ALG10B: variants seen among roughly 807,000 people sequenced by gnomAD.
ALG10B encodes dol-P-Glc:Glc(2)Man(9)GlcNAc(2)-PP-Dol alpha-1,2-glucosyltransferase B.
A neutral mutation model predicts 38.7 loss-of-function variants in ALG10B; 27 were observed. The observed-to-expected ratio is 0.70, with a 90% CI of 0.51 to 0.96. The LOEUF (loss-of-function observed/expected upper bound fraction) is 0.96. ALG10B is among the 40% of genes least tolerant of loss of function. The pLI, the probability that ALG10B is intolerant of heterozygous loss-of-function variation, is 0.00. For synonymous variants in ALG10B, 177 were observed against 193.3 expected, an observed-to-expected ratio of 0.92 and a Z score of 0.70; for missense variants, 522 against 542.7, an observed-to-expected ratio of 0.96 and a Z score of 0.38.
intron 1 of ALG10B, chr12:38,317,982 A>C (rs1471676597): frequency 4.5e-6 from 2 of 443,796 alleles, no homozygotes; most frequent in African/African-American, 3.9e-5. Flanking sequence ...CAGTTTATTT[A>C]TCAAAATAAA....
In ALG10B at chr12:38,318,215, G is replaced by A. The variant is rs756658403; in HGVS notation, c.172-46G>A. 6.8e-6 allele frequency: 11 copies of A among 1,608,838 alleles called. No homozygotes were observed. In the South Asian group the frequency reaches 1.1e-4, roughly 16 times the overall value. On this transcript the variant is annotated intron_variant, in intron 1 of 2. Coordinates refer to ENST00000308742, the MANE Select transcript of ALG10B (RefSeq NM_001013620.4). ...GGCTTGACATATTTGTGTCTGTCTT[G>A]TTCGTATTACCTCTTGCTTTTACTT... is the stretch of plus-strand genomic sequence containing the variant.
Position 38,326,417 on chromosome 12 carries a change from AAAAC to A in ALG10B, c.*5208_*5211del, listed in dbSNP as rs1289129401. On this transcript the variant is annotated 3_prime_UTR_variant, in exon 3 of 3. Coordinates refer to ENST00000308742, the MANE Select transcript of ALG10B (RefSeq NM_001013620.4). ...TAATTACTGTTTATTTAAAATAAGA[AAAAC>A]AAATAACTTTCAACCATTAAAAGGT... is the stretch of plus-strand genomic sequence containing the variant. 1.3e-4 allele frequency: 19 copies of A among 151,532 alleles called. No homozygotes were observed. Among genetic ancestry groups the A allele is most frequent in the Non-Finnish European group, 2.1e-4 (14 of 67,900 alleles). The allele number at this position is 151,532 out of a possible 1,614,324, so 9.4% of individuals were successfully genotyped here.
chr12:38,321,461 C>A lies in ALG10B; in HGVS notation c.*248C>A. ...AAAATTGTTTTCAGATATCTCATAT[C>A]GCTCTCGTAATGTTGGCCCCTCACA... On this transcript the variant is annotated 3_prime_UTR_variant, in exon 3 of 3. Coordinates refer to ENST00000308742, the MANE Select transcript of ALG10B (RefSeq NM_001013620.4). 2 of 322,362 alleles carry A rather than the reference C, an allele frequency of 6.2e-6. No homozygotes were observed. The highest frequency in any genetic ancestry group is 4.5e-5 in the Admixed American group (1 of 22,094). The allele number at this position is 322,362 out of a possible 1,614,324, so 20.0% of individuals were successfully genotyped here.
At chr12:38,319,778 A>G (rs1396206751) in intron 2 of ALG10B, among the ~76,000 whole-genome samples, 2 of 152,180 alleles carry the variant, frequency 1.3e-5, no homozygotes, top group Non-Finnish European at 2.9e-5. Flanking sequence ...GTGAATCCTT[A>G]TTGAAGGCAC....
At chr12:38,319,207 G>T (rs1370160011) in intron 2 of ALG10B, among the ~76,000 whole-genome samples, 2 of 152,140 alleles carry the variant, frequency 1.3e-5, no homozygotes, top group African/African-American at 4.8e-5. Flanking sequence ...GGAGTATGTG[G>T]CATTCAGTAA....
chr12:38,318,754 T>G (rs1565603691), intron 2 of ALG10B, among the ~76,000 whole-genome samples: 1 of 152,178 alleles, frequency 6.6e-6, no homozygotes, highest in Non-Finnish European at 1.5e-5. Flanking sequence ...ACTACAGAGA[T>G]AAATGAGGCA....
At position 38,325,551 on chromosome 12, in the gene ALG10B, T is replaced by C. The variant is rs562198464; in HGVS notation, c.*4338T>C. 2.6e-5 allele frequency: 4 copies of C among 152,322 alleles called. No homozygotes were observed. Among genetic ancestry groups the C allele is most frequent in the African/African-American group, 9.6e-5 (4 of 41,586 alleles). The allele number at this position is 152,322 out of a possible 1,614,324, so 9.4% of individuals were successfully genotyped here. ...TTTGTGTTTATTAGGTTAGCAAGCG[T>C]TTATTATCTTTGAAGTAATTGGAAT... On this transcript the variant is annotated 3_prime_UTR_variant, in exon 3 of 3. Coordinates refer to ENST00000308742, the MANE Select transcript of ALG10B (RefSeq NM_001013620.4).
Position 38,320,585 on chromosome 12 carries a change from G to A in ALG10B, c.794G>A (p.Cys265Tyr), listed in dbSNP as rs370321225. 1 of 1,613,934 alleles carries A rather than the reference G, an allele frequency of 6.2e-7. No individual in the cohort carries two copies. The highest frequency in any genetic ancestry group is 8.5e-7 in the Non-Finnish European group (1 of 1,179,974). Residue 265 changes from cysteine (C) to tyrosine (Y), a missense_variant, in exon 3 of 3, where the codon TGT (cysteine) becomes TAT (tyrosine). Transcript: ENST00000308742. ...WPYILLGFLF[C>Y]AFVVVNGGIV... ...TACATCCTTCTGGGATTTCTGTTTT[G>A]TGCTTTTGTAGTAGTTAATGGTGGA...
Position 38,320,727 on chromosome 12 carries a change from T to G in ALG10B, c.936T>G (p.Ile312Met), listed in dbSNP as rs2120494652. 1.2e-6 allele frequency: 2 copies of G among 1,614,040 alleles called. No individual in the cohort carries two copies. The highest frequency in any genetic ancestry group is 4.5e-5 in the East Asian group (2 of 44,870). The change falls in exon 3 of 3, where the codon ATT becomes ATG. Residue 312 changes from isoleucine (I) to methionine (M), a missense_variant. Coordinates refer to ENST00000308742, the MANE Select transcript of ALG10B (RefSeq NM_001013620.4). ...CTCATCTCCTGTCTCCTAGCAAAAT[T>G]AAGACTTTTCTTTCCTTAGTTTGGA... ...SFPHLLSPSK[I>M]KTFLSLVWKH... is the part of the protein sequence containing the mutation.
chr12:38,328,953 A>T lies in ALG10B; in HGVS notation c.*7740A>T, dbSNP rs1400914108. The T allele has an allele frequency of 5.6e-6, 2 of 356,494 alleles. No homozygotes were observed. The highest frequency in any genetic ancestry group is 1.0e-5 in the Non-Finnish European group (2 of 200,460). 22.1% of individuals were successfully genotyped at this position (356,494 alleles called of 1,614,324 possible). On this transcript the variant is annotated 3_prime_UTR_variant, in exon 3 of 3. Transcript: ENST00000308742. Reference sequence around the variant, plus strand: ...CCGTACACATGGGGAAACTTAGTATAGAGAGGTGAAGTATTTTTTCCAAGA... The same window carrying T: ...CCGTACACATGGGGAAACTTAGTATTGAGAGGTGAAGTATTTTTTCCAAGA...
chr12:38,316,700 C>A, upstream of ALG10B: 1 of 856,266 alleles, frequency 1.2e-6, no homozygotes, highest in Admixed American at 1.9e-5. Context: ...GTTATCTAAA[C>A]CCGTCACTCC....
chr12:38,328,963 A>G lies in ALG10B; in HGVS notation c.*7750A>G, dbSNP rs533927182. ...GGGGAAACTTAGTATAGAGAGGTGA[A>G]GTATTTTTTCCAAGATTACAAAATA... On this transcript the variant is annotated 3_prime_UTR_variant, in exon 3 of 3. Coordinates refer to ENST00000308742, the MANE Select transcript of ALG10B (RefSeq NM_001013620.4). 2.7e-6 allele frequency: 1 copy of G among 370,186 alleles called. No homozygotes were observed. The highest frequency in any genetic ancestry group is 2.1e-5 in the African/African-American group (1 of 48,204). The allele number at this position is 370,186 out of a possible 1,614,324, so 22.9% of individuals were successfully genotyped here. A position where few individuals can be genotyped will look rare whatever the true frequency, so the allele number is the denominator to read the frequency against.
intron 1 of ALG10B, 70 bp downstream of exon 1, chr12:38,317,134 C>T (rs778792747): frequency 4.4e-6 from 7 of 1,604,930 alleles, no homozygotes; most frequent in Non-Finnish European, 8.5e-7. Context: ...CTCCTTCTCC[C>T]ATCTTTAGAC....
rs951240557 is a variant in ALG10B, at chr12:38,323,198, A to G, written c.*1985A>G. ...TAAATAACTCTCAGTATCTTTACTG[A>G]GAGGTTAAAAAATAAGTGACTTCTT... On this transcript the variant is annotated 3_prime_UTR_variant, in exon 3 of 3. Transcript: ENST00000308742. The G allele has an allele frequency of 3.9e-5, 6 of 152,082 alleles. No individual in the cohort carries two copies. Among genetic ancestry groups the G allele is most frequent in the African/African-American group, 1.4e-4 (6 of 41,394 alleles). The allele number at this position is 152,082 out of a possible 1,614,324, so 9.4% of individuals were successfully genotyped here. A position where few individuals can be genotyped will look rare whatever the true frequency, so the allele number is the denominator to read the frequency against.
rs538036204 is a variant in ALG10B, at chr12:38,321,447, C to T, written c.*234C>T. 43 of 371,398 alleles carry T rather than the reference C, an allele frequency of 1.2e-4. No homozygotes were observed. The East Asian group carries it at 1.9e-3, about 16-fold the overall frequency. 23.0% of individuals were successfully genotyped at this position (371,398 alleles called of 1,614,324 possible). ...AATAATGGGAAAATAAAATTGTTTT[C>T]AGATATCTCATATCGCTCTCGTAAT... On this transcript the variant is annotated 3_prime_UTR_variant, in exon 3 of 3. Transcript: ENST00000308742.
In ALG10B at chr12:38,324,071, C is replaced by T. The variant is rs925100075; in HGVS notation, c.*2858C>T. On this transcript the variant is annotated 3_prime_UTR_variant, in exon 3 of 3. Coordinates refer to ENST00000308742, the MANE Select transcript of ALG10B (RefSeq NM_001013620.4). ...CTTTGAGGAGAAGTCTCGCTCTTGTCCCCCAGGCTGGAATGCAATGGCGCG... is the reference window on the plus strand; with the variant it reads ...CTTTGAGGAGAAGTCTCGCTCTTGTTCCCCAGGCTGGAATGCAATGGCGCG... 2 of 630,072 alleles carry T rather than the reference C, an allele frequency of 3.2e-6. No homozygotes were observed. Among genetic ancestry groups the T allele is most frequent in the African/African-American group, 3.7e-5 (2 of 54,438 alleles). The allele number at this position is 630,072 out of a possible 1,614,324, so 39.0% of individuals were successfully genotyped here. A position where few individuals can be genotyped will look rare whatever the true frequency, so the allele number is the denominator to read the frequency against.
upstream of ALG10B, chr12:38,316,763 C>T (rs1165071423): frequency 2.0e-6 from 3 of 1,493,052 alleles, no homozygotes; most frequent in Admixed American, 1.7e-5. Context: ...GCATCCTTTG[C>T]CTTCCGGTAT....
In ALG10B at chr12:38,328,334, A is replaced by G. The variant is rs765476774; in HGVS notation, c.*7121A>G. The G allele has an allele frequency of 3.9e-5, 6 of 152,178 alleles. No homozygotes were observed. Among genetic ancestry groups the G allele is most frequent in the Admixed American group, 6.5e-5 (1 of 15,284 alleles). The allele number at this position is 152,178 out of a possible 1,614,324, so 9.4% of individuals were successfully genotyped here. A position where few individuals can be genotyped will look rare whatever the true frequency, so the allele number is the denominator to read the frequency against. ...TTTAGAAAAACATTTGAGTTATACA[A>G]CTTACTAAAATGTATTTTAGCGGTG... On this transcript the variant is annotated 3_prime_UTR_variant, in exon 3 of 3. Transcript: ENST00000308742.
Position 38,325,539 on chromosome 12 carries a change from G to T in ALG10B, c.*4326G>T. ...GAAGAAATAAATTTTGTGTTTATTA[G>T]GTTAGCAAGCGTTTATTATCTTTGA... On this transcript the variant is annotated 3_prime_UTR_variant, in exon 3 of 3. Coordinates refer to ENST00000308742, the MANE Select transcript of ALG10B (RefSeq NM_001013620.4). 1 of 152,212 alleles carries T rather than the reference G, an allele frequency of 6.6e-6. No homozygotes were observed. The highest frequency in any genetic ancestry group is 2.1e-4 in the South Asian group (1 of 4,826). The allele number at this position is 152,212 out of a possible 1,614,324, so 9.4% of individuals were successfully genotyped here.
Sources: allele counts gnomAD v4.1 joint callset (sites outside exome capture counted in the v4.1 genomes callset), GRCh38; gene constraint gnomAD v4.1.1; transcripts MANE v1.5; gene names NCBI Gene and HGNC (gene_info 2026-07-23, HGNC 2026-07-21).